EVPL: variants seen among roughly 807,000 people sequenced by gnomAD.
The protein encoded by EVPL is envoplakin, also known as 210 kDa cornified envelope precursor protein.
A neutral mutation model predicts 129.7 loss-of-function variants in EVPL; 94 were observed. The observed-to-expected ratio is 0.72, with a 90% CI of 0.61 to 0.86. EVPL has a LOEUF of 0.86. Ranked by LOEUF, EVPL falls within the 40% of genes least tolerant of loss-of-function variation. The pLI is 0.00. For synonymous variants in EVPL, 1,172 were observed against 1,191.1 expected, an observed-to-expected ratio of 0.98 and a Z score of 0.33; for missense variants, 2,625 against 2,721.1, an observed-to-expected ratio of 0.96 and a Z score of 0.79.
At position 76,022,483 on chromosome 17, in the gene EVPL, A is replaced by T. The variant is rs747152173; in HGVS notation, c.536T>A (p.Ile179Asn). ...GPGMAELEQQ[I>N]AEHNILQKEI... ...CTTCTGCAGGATGTTGTGCTCGGCG[A>T]TCTGTTGCTCCAGCTCCGCCATGCC... Residue 179 changes from isoleucine (I) to asparagine (N), a missense_variant, in exon 5 of 22, where the codon ATC (isoleucine) becomes AAC (asparagine). Ile to Asn is a moderately radical substitution (Grantham distance 149, BLOSUM62 -3). This residue lies in a region of EVPL where 1,024 missense variants were observed against 997.5 expected (regional missense o/e 1.03). Transcript: ENST00000301607. This position sits in a 1 kb window ranked among gnomAD's most constrained non-coding sequence, Gnocchi z 5.6. The T allele has an allele frequency of 5.6e-6, 9 of 1,613,140 alleles. No homozygotes were observed. Among genetic ancestry groups the T allele is most frequent in the Non-Finnish European group, 6.8e-6 (8 of 1,179,800 alleles).
At chr17:76,020,200 C>CT (rs921451163) in intron 9 of EVPL, among the ~76,000 whole-genome samples, 1 of 152,160 alleles carries the variant, frequency 6.6e-6, no homozygotes, top group African/African-American at 2.4e-5. Context: ...CTTAAACCAG[C>CT]TAAACCTAAA....
At position 76,018,564 on chromosome 17, in the gene EVPL, C is replaced by G. The variant is rs1240078961; in HGVS notation, c.1321G>C (p.Asp441His). ...LLQGERYKLV[D>H]NTDPHAWVVQ... ...ACCCAGGCGTGCGGGTCAGTGTTAT[C>G]TACCAGCTTATACCGCTCACCCTGC... The change falls in exon 12 of 22, where the codon GAT becomes CAT. Residue 441 changes from aspartate to histidine, a missense_variant. Coordinates refer to ENST00000301607, the MANE Select transcript of EVPL (RefSeq NM_001988.4). 1.2e-6 allele frequency: 2 copies of G among 1,611,984 alleles called. No homozygotes were observed. The highest frequency in any genetic ancestry group is 3.4e-5 in the Admixed American group (2 of 59,696).
chr17:76,018,951 A>G lies in EVPL; in HGVS notation c.1247T>C (p.Leu416Pro). 1 of 1,556,062 alleles carries G rather than the reference A, an allele frequency of 6.4e-7. No homozygotes were observed. The highest frequency in any genetic ancestry group is 2.4e-5 in the East Asian group (1 of 41,856). The change falls in exon 11 of 22, where the codon CTG becomes CCG. Residue 416 changes from leucine to proline, a missense_variant. Leu to Pro is a moderately conservative substitution (Grantham distance 98, BLOSUM62 -3). Around this residue, in one of 4 missense-constraint regions of EVPL, gnomAD observed 1,024 missense variants for 997.5 expected, o/e 1.03. Coordinates refer to ENST00000301607, the MANE Select transcript of EVPL (RefSeq NM_001988.4). ...PQRRNPPQQP[L>P]HVDSICDWDS... is the part of the protein sequence containing the mutation. ...CCAGTCGCAGATGCTGTCCACGTGCAGGGGCTGCTGAGGGGGGTTTCTTCG... is the reference window on the plus strand; with the variant it reads ...CCAGTCGCAGATGCTGTCCACGTGCGGGGGCTGCTGAGGGGGGTTTCTTCG...
In EVPL at chr17:76,024,169, G is replaced by A. The variant is rs1170690812; in HGVS notation, c.99-49C>T. The A allele has an allele frequency of 6.4e-7, 1 of 1,568,950 alleles. No homozygotes were observed. The highest frequency in any genetic ancestry group is 8.7e-7 in the Non-Finnish European group (1 of 1,148,314). ...GTAGCTCGGTGGAAGAGGCCCCTCTGTGCCCCATCCAGGTGGCATCCCCTG... is the reference window on the plus strand; with the variant it reads ...GTAGCTCGGTGGAAGAGGCCCCTCTATGCCCCATCCAGGTGGCATCCCCTG... On this transcript the variant is annotated intron_variant, in intron 1 of 21. Transcript: ENST00000301607. This position sits in a 1 kb window ranked among gnomAD's most constrained non-coding sequence, Gnocchi z 4.5.
At position 76,008,718 on chromosome 17, in the gene EVPL, T is replaced by C; in HGVS notation, c.4487A>G (p.Asn1496Ser). Reference sequence around the variant, plus strand: ...GACCTGCAGGTTCTTGCACTCCCGATTCAGCTCGGTTACCTGGGTCTTCTC... The same window carrying C: ...GACCTGCAGGTTCTTGCACTCCCGACTCAGCTCGGTTACCTGGGTCTTCTC... ...DQEKTQVTEL[N>S]RECKNLQVQI... The change falls in exon 22 of 22, where the codon AAT (asparagine) becomes AGT (serine). Residue 1496 changes from asparagine (N) to serine (S), a missense_variant. By Grantham distance (46) the Asn-to-Ser change is conservative. This residue lies in a region of EVPL where 1,453 missense variants were observed against 1,511.8 expected (regional missense o/e 0.96). Coordinates refer to ENST00000301607, the MANE Select transcript of EVPL (RefSeq NM_001988.4). This position sits in a 1 kb window ranked among gnomAD's most constrained non-coding sequence, Gnocchi z 7.4. The C allele has an allele frequency of 6.2e-7, 1 of 1,613,908 alleles. No homozygotes were observed. The highest frequency in any genetic ancestry group is 8.5e-7 in the Non-Finnish European group (1 of 1,180,018).
rs1264773874 is a variant in EVPL at position 76,015,127 on chromosome 17, G to A, written c.2029-18C>T. 2 of 1,568,896 alleles carry A rather than the reference G, an allele frequency of 1.3e-6. No individual in the cohort carries two copies. The highest frequency in any genetic ancestry group is 1.7e-6 in the Non-Finnish European group (2 of 1,156,728). ...CGCTGGCGCTGCAGGAGGAGGGGAC[G>A]CAGCCGTGCACCCTCGTGGCTGGGG... On this transcript the variant is annotated intron_variant, in intron 16 of 21. Coordinates refer to ENST00000301607, the MANE Select transcript of EVPL (RefSeq NM_001988.4).
rs780341143 is a variant in EVPL, at chr17:76,008,593, G to A, written c.4612C>T (p.Arg1538Cys). 1.7e-5 allele frequency: 28 copies of A among 1,611,278 alleles called. No individual in the cohort carries two copies. The highest frequency in any genetic ancestry group is 2.7e-5 in the African/African-American group (2 of 74,928). The change falls in exon 22 of 22, where the codon CGC becomes TGC. Residue 1538 changes from arginine (R) to cysteine (C), a missense_variant. Transcript: ENST00000301607. The surrounding 1 kb of genome is among the most constrained non-coding windows in gnomAD (Gnocchi z 7.4). ...TCCCTGTTGAGCATCTCCCACACGCGGGCCCGCTCATCTTCCAGGACGCGG... is the reference window on the plus strand; with the variant it reads ...TCCCTGTTGAGCATCTCCCACACGCAGGCCCGCTCATCTTCCAGGACGCGG... Reference protein sequence around the residue: ...KDRVLEDERARVWEMLNRERT... With the variant: ...KDRVLEDERACVWEMLNRERT...
In EVPL at chr17:76,008,203, G is replaced by C; in HGVS notation, c.5002C>G (p.Arg1668Gly). ...TLRDLHAKVS[R>G]EELSQETQTR... is the part of the protein sequence containing the mutation. The stretch of plus-strand genomic sequence containing the variant: ...TGGGTCTCCTGGCTGAGCTCCTCCC[G>C]GCTCACCTTGGCGTGGAGGTCCCGG... The change falls in exon 22 of 22, where the codon CGG becomes GGG. Residue 1668 changes from arginine to glycine, a missense_variant. Arg to Gly is a moderately radical substitution (Grantham distance 125, BLOSUM62 -2). Around this residue, in one of 4 missense-constraint regions of EVPL, gnomAD observed 1,453 missense variants for 1,511.8 expected, o/e 0.96. Coordinates refer to ENST00000301607, the MANE Select transcript of EVPL (RefSeq NM_001988.4). This position sits in a 1 kb window ranked among gnomAD's most constrained non-coding sequence, Gnocchi z 7.4. 1 of 1,614,066 alleles carries C rather than the reference G, an allele frequency of 6.2e-7. No homozygotes were observed. The highest frequency in any genetic ancestry group is 8.5e-7 in the Non-Finnish European group (1 of 1,180,028).
Position 76,018,227 on chromosome 17 carries a change from T to G in EVPL, c.1471A>C (p.Lys491Gln). The G allele has an allele frequency of 6.5e-7, 1 of 1,549,596 alleles. No individual in the cohort carries two copies. The highest frequency in any genetic ancestry group is 1.2e-5 in the South Asian group (1 of 84,006). The change falls in exon 13 of 22, where the codon AAA becomes CAA. Residue 491 changes from lysine to glutamine, a missense_variant. This residue lies in a region of EVPL where 1,024 missense variants were observed against 997.5 expected (regional missense o/e 1.03). Transcript: ENST00000301607. ...LASELQALKQ[K>Q]LATVQSRLKA... Reference sequence around the variant, plus strand: ...AGGCGGCTCTGGACTGTGGCCAATTTCTGCTTCAGGGCCTGCAGCTCTGAG... The same window carrying G: ...AGGCGGCTCTGGACTGTGGCCAATTGCTGCTTCAGGGCCTGCAGCTCTGAG...
At position 76,018,612 on chromosome 17, in the gene EVPL, G is replaced by A; in HGVS notation, c.1285-12C>T. 3 of 1,593,342 alleles carry A rather than the reference G, an allele frequency of 1.9e-6. No individual in the cohort carries two copies. Among genetic ancestry groups the A allele is most frequent in the Non-Finnish European group, 2.6e-6 (3 of 1,168,746 alleles). On this transcript the variant is annotated splice_polypyrimidine_tract_variant and intron_variant, in intron 11 of 21. Coordinates refer to ENST00000301607, the MANE Select transcript of EVPL (RefSeq NM_001988.4). ...TGCAGCAGCTGCACCTGGGGGCACA[G>A]AAAGGGAGCAGCTCCTGAGGGCTCA...
chr17:76,016,175 T>C (rs1295107148), intron 14 of EVPL, among the ~76,000 whole-genome samples: 1 of 151,890 alleles, frequency 6.6e-6, no homozygotes, highest in Non-Finnish European at 1.5e-5. Context: ...AAAAGAATGA[T>C]TGATGGGAGG....
Position 76,021,536 on chromosome 17 carries a change from A to T in EVPL, c.943T>A (p.Trp315Arg), listed in dbSNP as rs751173884. 1 of 1,605,578 alleles carries T rather than the reference A, an allele frequency of 6.2e-7. No individual in the cohort carries two copies. The highest frequency in any genetic ancestry group is 1.1e-5 in the South Asian group (1 of 90,046). ...QAHQEALKME[W>R]QNFLNLCICQ... ...ATACACAGGTTCAGGAAGTTCTGCC[A>T]CTCCATCTTCAGGGCCTCCTGGTGG... is the stretch of plus-strand genomic sequence containing the variant. The change falls in exon 9 of 22, where the codon TGG (tryptophan) becomes AGG (arginine). Residue 315 changes from tryptophan to arginine, a missense_variant. Physicochemically the swap from Trp to Arg is moderately radical, Grantham distance 101 (BLOSUM62 -3). Around this residue, in one of 4 missense-constraint regions of EVPL, gnomAD observed 1,024 missense variants for 997.5 expected, o/e 1.03. Transcript: ENST00000301607.
chr17:76,012,291 G>T, intron 18 of EVPL: 2 of 535,314 alleles, frequency 3.7e-6, no homozygotes, highest in Non-Finnish European at 6.6e-6. Context: ...GAGGCACCTT[G>T]GCAGAATCCC....
intron 18 of EVPL, 136 bp from the exon 19 acceptor site, chr17:76,012,225 G>A: frequency 8.2e-6 from 5 of 609,974 alleles, no homozygotes; most frequent in South Asian, 8.2e-5. Context: ...GGAGACCTGG[G>A]CCAAACTCCC....
Position 76,008,499 on chromosome 17 carries a change from G to A in EVPL, c.4706C>T (p.Thr1569Met), listed in dbSNP as rs750250014. The A allele has an allele frequency of 6.9e-6, 11 of 1,602,600 alleles. No homozygotes were observed. The highest frequency in any genetic ancestry group is 4.5e-5 in the East Asian group (2 of 44,732). Residue 1569 changes from threonine to methionine, a missense_variant, in exon 22 of 22, where the codon ACG (threonine) becomes ATG (methionine). Coordinates refer to ENST00000301607, the MANE Select transcript of EVPL (RefSeq NM_001988.4). The surrounding 1 kb of genome is among the most constrained non-coding windows in gnomAD (Gnocchi z 7.4). ...RLRERIDRAE[T>M]LGRTWSREES... ...CTCCCGGGACCAGGTTCTCCCCAGC[G>A]TCTCGGCCCGGTCAATGCGCTCCCG...
In EVPL at chr17:76,019,575, G is replaced by A. The variant is rs142325371; in HGVS notation, c.1090C>T (p.Pro364Ser). ...SNLDAKYSPA[P>S]GGPPGAPTEL... Reference sequence around the variant, plus strand: ...GTGGGGGCGCCAGGGGGGCCCCCAGGTGCAGGGCTGTACTTGGCATCCAAG... The same window carrying A: ...GTGGGGGCGCCAGGGGGGCCCCCAGATGCAGGGCTGTACTTGGCATCCAAG... Residue 364 changes from proline to serine, a missense_variant, in exon 10 of 22, where the codon CCT (proline) becomes TCT (serine). Pro to Ser is a moderately conservative substitution (Grantham distance 74, BLOSUM62 -1). Around this residue, in one of 4 missense-constraint regions of EVPL, gnomAD observed 1,024 missense variants for 997.5 expected, o/e 1.03. Coordinates refer to ENST00000301607, the MANE Select transcript of EVPL (RefSeq NM_001988.4). The A allele has an allele frequency of 3.3e-5, 53 of 1,594,244 alleles. No individual in the cohort carries two copies. Among genetic ancestry groups the A allele is most frequent in the Non-Finnish European group, 4.2e-5 (49 of 1,172,674 alleles).
Position 76,010,077 on chromosome 17 carries a change from C to T in EVPL, c.3128G>A (p.Arg1043His), listed in dbSNP as rs373420968. 9 of 1,613,674 alleles carry T rather than the reference C, an allele frequency of 5.6e-6. No homozygotes were observed. Among genetic ancestry groups the T allele is most frequent in the African/African-American group, 2.7e-5 (2 of 75,074 alleles). ...GGCCGAGATGACGGCATCCTCCCCG[C>T]GGAGCTGCTGGATCTGGATCCTGAG... ...AQLRIQIQQL[R>H]GEDAVISARL... Residue 1043 changes from arginine to histidine, a missense_variant, in exon 22 of 22, where the codon CGC (arginine) becomes CAC (histidine). Around this residue, in one of 4 missense-constraint regions of EVPL, gnomAD observed 1,453 missense variants for 1,511.8 expected, o/e 0.96. Transcript: ENST00000301607.
Position 76,008,519 on chromosome 17 carries a change from C to A in EVPL, c.4686G>T (p.Glu1562Asp), listed in dbSNP as rs113394630. 3.8e-4 allele frequency: 607 copies of A among 1,605,926 alleles called. 2 individuals are homozygous for A. Among genetic ancestry groups the A allele is most frequent in the African/African-American group, 3.0e-3 (224 of 75,048 alleles). ...AREEEARRLR[E>D]RIDRAETLGR... The stretch of plus-strand genomic sequence containing the variant: ...CCAGCGTCTCGGCCCGGTCAATGCG[C>A]TCCCGCAGGCGCCGTGCCTCCTCCT... The change falls in exon 22 of 22, where the codon GAG (glutamate) becomes GAT (aspartate). Residue 1562 changes from glutamate to aspartate, a missense_variant. By Grantham distance (45) the Glu-to-Asp change is conservative. Transcript: ENST00000301607. The surrounding 1 kb of genome is among the most constrained non-coding windows in gnomAD (Gnocchi z 7.4).
rs202053602 is a variant in EVPL at position 76,009,892 on chromosome 17, G to A, written c.3313C>T (p.Arg1105Trp). Residue 1105 changes from arginine (R) to tryptophan (W), a missense_variant, in exon 22 of 22, where the codon CGG (arginine) becomes TGG (tryptophan). Around this residue, in one of 4 missense-constraint regions of EVPL, gnomAD observed 1,453 missense variants for 1,511.8 expected, o/e 0.96. Coordinates refer to ENST00000301607, the MANE Select transcript of EVPL (RefSeq NM_001988.4). This position sits in a 1 kb window ranked among gnomAD's most constrained non-coding sequence, Gnocchi z 5.9. ...LRLQMEEDAA[R>W]RKQAEEAVAK... ...ACAGCCTCCTCCGCCTGCTTCCTCC[G>A]CGCAGCATCCTCCTCCATCTGCAGC... 6.9e-5 allele frequency: 111 copies of A among 1,614,046 alleles called. No homozygotes were observed. In the East Asian group the frequency reaches 9.8e-4, roughly 14 times the overall value.
Sources: allele counts gnomAD v4.1 joint callset (sites outside exome capture counted in the v4.1 genomes callset), GRCh38; gene constraint gnomAD v4.1.1; regional missense constraint gnomAD v4.1.1; non-coding constraint Gnocchi (gnomAD v3.1); transcripts MANE v1.5; gene names NCBI Gene and HGNC (gene_info 2026-07-23, HGNC 2026-07-21).